Variants in GALNTL6 observed in about 807,000 individuals in gnomAD.
The protein encoded by GALNTL6 is polypeptide N-acetylgalactosaminyltransferase like 6, also known as polypeptide N-acetylgalactosaminyltransferase-like 6.
GALNTL6 carries 46 observed loss-of-function variants against 73.7 expected under a neutral mutation model. The observed-to-expected ratio is 0.62, with a 90% CI of 0.49 to 0.80. The LOEUF is 0.80. Ranked by LOEUF, GALNTL6 falls within the 30% of genes least tolerant of loss-of-function variation. The pLI, the probability that GALNTL6 is intolerant of heterozygous loss-of-function variation, is 0.00. For missense variants in GALNTL6, 604 were observed against 755.0 expected (o/e 0.80, Z 2.34); for synonymous variants, 259 against 263.7 (o/e 0.98, Z 0.17).
chr4:172,005,348 A>G (rs1740806224), intron 2 of GALNTL6, among the ~76,000 whole-genome samples: 1 of 152,048 alleles, frequency 6.6e-6, no homozygotes, highest in African/African-American at 2.4e-5. Flanking sequence ...GCTGGCCTCA[A>G]ACTCCTGGAC....
At chr4:172,171,668 A>T in intron 2 of GALNTL6, among the ~76,000 whole-genome samples, 1 of 135,472 alleles carries the variant, frequency 7.4e-6, no homozygotes, top group African/African-American at 2.8e-5. Context: ...GTCTCTATCA[A>T]AAATACAAAA....
intron 3 of GALNTL6, among the ~76,000 whole-genome samples, chr4:172,303,976 A>G (rs922973): frequency 0.16 from 23,797 of 152,100 alleles, 1,994 homozygotes; most frequent in East Asian, 0.36. Flanking sequence ...GAGGGGAACA[A>G]ATCACTTTGC....
intron 5 of GALNTL6, among the ~76,000 whole-genome samples, chr4:172,711,757 A>G (rs1235833184): frequency 1.3e-5 from 2 of 152,202 alleles, no homozygotes; most frequent in Non-Finnish European, 2.9e-5. Context: ...AAGGAGGCGC[A>G]GTCTGAGCTA....
At chr4:172,699,956 C>G (rs1382834997) in intron 5 of GALNTL6, among the ~76,000 whole-genome samples, 2 of 152,092 alleles carry the variant, frequency 1.3e-5, no homozygotes, top group East Asian at 3.9e-4. Flanking sequence ...GTTCAAGTCT[C>G]TTGAAACAAA....
chr4:172,326,230 G>GA (rs1192366057), intron 4 of GALNTL6, among the ~76,000 whole-genome samples: 1 of 151,798 alleles, frequency 6.6e-6, no homozygotes, highest in Non-Finnish European at 1.5e-5. Context: ...TATAAAAAGA[G>GA]AAAAAACCCT....
intron 2 of GALNTL6, among the ~76,000 whole-genome samples, chr4:172,175,384 A>G (rs1199127244): frequency 6.6e-6 from 1 of 152,176 alleles, no homozygotes. Context: ...GGTATGAGCC[A>G]CAGTACCTGG....
intron 2 of GALNTL6, chr4:171,815,909 A>G (rs1456783986): frequency 3.3e-5 from 5 of 152,316 alleles, no homozygotes; most frequent in East Asian, 1.9e-4. Context: ...TGAGTTGTCC[A>G]TGGATTTTTA....
intron 2 of GALNTL6, among the ~76,000 whole-genome samples, chr4:171,918,757 A>G (rs1737699564): frequency 6.6e-6 from 1 of 152,156 alleles, no homozygotes; most frequent in Non-Finnish European, 1.5e-5. Context: ...ATATCCATCC[A>G]GAGGAATAAA....
chr4:172,023,643 A>T (rs1039935939), intron 2 of GALNTL6, among the ~76,000 whole-genome samples: 8 of 151,916 alleles, frequency 5.3e-5, no homozygotes, highest in African/African-American at 1.9e-4. Flanking sequence ...CATCTCTAGA[A>T]ATCAATGTAT....
chr4:173,001,059 C>G (rs1752021948), intron 10 of GALNTL6, among the ~76,000 whole-genome samples: 1 of 152,108 alleles, frequency 6.6e-6, no homozygotes, highest in South Asian at 2.1e-4. Context: ...CACACACAAA[C>G]AGAACATCAA....
At chr4:173,019,169 C>A (rs372068338) in intron 11 of GALNTL6, among the ~76,000 whole-genome samples, 11 of 152,092 alleles carry the variant, frequency 7.2e-5, no homozygotes, top group African/African-American at 2.7e-4. Flanking sequence ...CATGACATGA[C>A]CACCAATTAA....
intron 7 of GALNTL6, among the ~76,000 whole-genome samples, chr4:172,849,652 A>G (rs1423602924): frequency 1.3e-5 from 2 of 152,192 alleles, no homozygotes; most frequent in African/African-American, 4.8e-5. Flanking sequence ...CAATATGATA[A>G]TATTTATTTC....
intron 5 of GALNTL6, among the ~76,000 whole-genome samples, chr4:172,787,260 G>A (rs1739713047): frequency 6.6e-6 from 1 of 152,136 alleles, no homozygotes; most frequent in Non-Finnish European, 1.5e-5. Flanking sequence ...CTCATTTCCG[G>A]AAACTCATGG....
In GALNTL6 at chr4:172,022,937, C is replaced by T. The variant is rs140345431; in HGVS notation, c.139-206719C>T. On this transcript the variant is annotated intron_variant, in intron 2 of 12. Coordinates refer to ENST00000506823, the MANE Select transcript of GALNTL6 (RefSeq NM_001034845.3). ...TTCTCTGAACACTTCAAACTATTGA[C>T]TCTATTTTTCTTTCACTGACTTTAG... Among the ~76,000 whole-genome samples the T allele has an allele frequency of 1.1e-4, 17 of 152,108 alleles. No homozygotes were observed. The East Asian group carries it at 1.5e-3, about 14-fold the overall frequency.
intron 5 of GALNTL6, among the ~76,000 whole-genome samples, chr4:172,437,725 GA>G (rs1358558888): frequency 6.6e-6 from 1 of 152,040 alleles, no homozygotes; most frequent in Non-Finnish European, 1.5e-5. Context: ...AATAATCCAG[GA>G]AGTCACACAG....
chr4:172,530,183 C>T (rs1308023621), intron 5 of GALNTL6, among the ~76,000 whole-genome samples: 2 of 152,068 alleles, frequency 1.3e-5, no homozygotes, highest in Non-Finnish European at 2.9e-5. Flanking sequence ...ACTTCCCTTA[C>T]CCACATTGAT....
At chr4:172,074,534 T>C (rs1189363094) in intron 2 of GALNTL6, among the ~76,000 whole-genome samples, 7 of 146,798 alleles carry the variant, frequency 4.8e-5, no homozygotes, top group African/African-American at 1.5e-4. Flanking sequence ...TGCTCAGTCA[T>C]ATGCATGCTT....
chr4:172,760,823 C>T (rs956122038), intron 5 of GALNTL6, among the ~76,000 whole-genome samples: 1 of 152,166 alleles, frequency 6.6e-6, no homozygotes, highest in East Asian at 1.9e-4. Context: ...ACCTCTCATG[C>T]CTCGCTAGGG....
chr4:172,477,240 T>C (rs1733270867), intron 5 of GALNTL6, among the ~76,000 whole-genome samples: 1 of 149,658 alleles, frequency 6.7e-6, no homozygotes, highest in East Asian at 1.9e-4. Context: ...TAAATAAATA[T>C]TATTTAATAT....
Sources: gnomAD v4.1 joint callset for allele counts (sites outside exome capture counted in the v4.1 genomes callset) on GRCh38, gnomAD v4.1.1 for gene constraint, MANE v1.5 for transcripts, NCBI Gene and HGNC (gene_info 2026-07-23, HGNC 2026-07-21) for gene names.